Variants in ZNF385D observed in about 807,000 individuals in gnomAD.
ZNF385D encodes the protein zinc finger protein 385D, also known as zinc finger protein 659.
ZNF385D carries 15 observed loss-of-function variants against 35.8 expected under a neutral mutation model. That is an observed-to-expected ratio of 0.42 (90% confidence interval 0.28 to 0.64). The LOEUF is 0.64. Ranked by LOEUF, ZNF385D falls within the 30% of genes least tolerant of loss-of-function variation. ZNF385D has a pLI of 0.23. For missense variants in ZNF385D, 474 were observed against 494.6 expected (o/e 0.96, Z 0.39); for synonymous variants, 212 against 186.8 (o/e 1.13, Z -1.10).
rs749647166 is a variant in ZNF385D at position 21,421,350 on chromosome 3, A to T, written c.1052T>A (p.Val351Glu). ...AAAAAAAAVAVSSPFSLRTAP... is the reference protein window; with the variant it reads ...AAAAAAAAVAESSPFSLRTAP... ...AGTTCGAAGACTGAAGGGGGAACTC[A>T]CTGCCACTGCTGCTGCGGCTGCTGC... The change falls in exon 8 of 8, where the codon GTG becomes GAG. Residue 351 changes from valine to glutamate, a missense_variant. Transcript: ENST00000281523. 6.2e-7 allele frequency: 1 copy of T among 1,613,232 alleles called. No homozygotes were observed. Among genetic ancestry groups the T allele is most frequent in the African/African-American group, 1.3e-5 (1 of 74,912 alleles).
chr3:22,114,192 TG>T (rs1559379400), intron 3 of ZNF385D, among the ~76,000 whole-genome samples: 2 of 152,044 alleles, frequency 1.3e-5, no homozygotes, highest in African/African-American at 4.8e-5. Context: ...AAATTATTAT[TG>T]TTTGTATGCT....
intron 1 of ZNF385D, among the ~76,000 whole-genome samples, chr3:21,667,366 T>C (rs369351874): frequency 3.9e-5 from 6 of 152,092 alleles, no homozygotes; most frequent in African/African-American, 1.4e-4. Context: ...TTTGCTATGT[T>C]GCCTAGGCTG....
intron 3 of ZNF385D, among the ~76,000 whole-genome samples, chr3:21,951,817 C>A (rs529541257): frequency 1.3e-5 from 2 of 151,600 alleles, no homozygotes; most frequent in Non-Finnish European, 2.9e-5. Context: ...GATTCTCCCC[C>A]ACTCTTGAGT....
In ZNF385D at chr3:22,274,066, T is replaced by C. The variant is rs140743009; in HGVS notation, c.106+98384A>G. On this transcript the variant is annotated intron_variant, in intron 2 of 5. Transcript: ENST00000494108. ...ATATTTCTATTTACCTTATTTCATA[T>C]TGAGTAATTTTAATTCAAGGATCCT... 1.6e-3 allele frequency among the ~76,000 whole-genome samples: 249 copies of C among 152,060 alleles called. 2 individuals carry two copies. The highest frequency in any genetic ancestry group is 5.5e-3 in the African/African-American group (228 of 41,540).
intron 3 of ZNF385D, among the ~76,000 whole-genome samples, chr3:21,532,071 GAGAA>G (rs958225560): frequency 1.1e-4 from 16 of 144,822 alleles, no homozygotes; most frequent in African/African-American, 3.4e-4. Context: ...AGTCGGGAGA[GAGAA>G]AGAGAGAGAG....
At chr3:21,672,531 G>C (rs1359449690) in intron 1 of ZNF385D, among the ~76,000 whole-genome samples, 1 of 152,020 alleles carries the variant, frequency 6.6e-6, no homozygotes. Flanking sequence ...GTATGAGTCA[G>C]GGCAATTGGA....
intron 3 of ZNF385D, among the ~76,000 whole-genome samples, chr3:22,010,525 A>G (rs978332120): frequency 7.9e-5 from 12 of 152,190 alleles, no homozygotes; most frequent in African/African-American, 2.9e-4. Context: ...CAGACTTGCA[A>G]CGTTTTCAGT....
chr3:21,475,959 C>T (rs1704216684), intron 4 of ZNF385D, among the ~76,000 whole-genome samples: 1 of 150,988 alleles, frequency 6.6e-6, no homozygotes, highest in African/African-American at 2.4e-5. Context: ...ATGTATTTTG[C>T]ATGCCCAGTA....
At chr3:21,686,902 C>T (rs1303565050) in intron 1 of ZNF385D, among the ~76,000 whole-genome samples, 10 of 152,176 alleles carry the variant, frequency 6.6e-5, no homozygotes, top group African/African-American at 1.7e-4. Context: ...AATACAGCCA[C>T]TAGTACTTGC....
At chr3:22,022,475 A>G (rs548499643) in intron 3 of ZNF385D, among the ~76,000 whole-genome samples, 1 of 152,268 alleles carries the variant, frequency 6.6e-6, no homozygotes, top group African/African-American at 2.4e-5. Context: ...CAGCATCAAG[A>G]AATAACATAC....
rs1334744971 is a variant in ZNF385D at position 21,699,886 on chromosome 3, C to T, written c.23-34858G>A. ...TTGCTCTGTCGCCCAGGTTGAAGTG[C>T]AGTGGTGCGATCTTGGCTCACTACA... On this transcript the variant is annotated intron_variant, in intron 1 of 7. Coordinates refer to ENST00000281523, the MANE Select transcript of ZNF385D (RefSeq NM_024697.3). Among the ~76,000 whole-genome samples the T allele has an allele frequency of 2.3e-5, 3 of 129,020 alleles. No homozygotes were observed. In the Admixed American group the frequency reaches 2.9e-4, roughly 12 times the overall value. The allele number at this position is 129,020 out of a possible 152,430, so 84.6% of individuals were successfully genotyped here. A position where few individuals can be genotyped will look rare whatever the true frequency, so the allele number is the denominator to read the frequency against.
chr3:22,195,501 T>A (rs139042841), intron 2 of ZNF385D, among the ~76,000 whole-genome samples: 246 of 152,178 alleles, frequency 1.6e-3, no homozygotes, highest in African/African-American at 5.7e-3. Flanking sequence ...CACTTTTTCC[T>A]GATCCAGTTC....
intron 2 of ZNF385D, among the ~76,000 whole-genome samples, chr3:21,653,780 A>G (rs902898139): frequency 2.0e-5 from 3 of 151,992 alleles, no homozygotes; most frequent in African/African-American, 7.2e-5. Context: ...GGAAAAAAAA[A>G]GGCATTTTCT....
chr3:21,977,280 T>C (rs1487510788), intron 3 of ZNF385D, among the ~76,000 whole-genome samples: 1 of 152,190 alleles, frequency 6.6e-6, no homozygotes, highest in African/African-American at 2.4e-5. Context: ...TGTACACTTA[T>C]GATTTGTGTT....
chr3:21,671,359 A>G (rs939527308), intron 1 of ZNF385D, among the ~76,000 whole-genome samples: 3 of 152,152 alleles, frequency 2.0e-5, no homozygotes, highest in African/African-American at 7.2e-5. Flanking sequence ...TTTGGCCAAA[A>G]CATTGGCCAT....
intron 2 of ZNF385D, among the ~76,000 whole-genome samples, chr3:21,634,273 G>A (rs1253950116): frequency 2.7e-5 from 4 of 150,230 alleles, no homozygotes; most frequent in African/African-American, 9.8e-5. Flanking sequence ...GGAAAGGAAG[G>A]AAGGAAGAAA....
intron 2 of ZNF385D, among the ~76,000 whole-genome samples, chr3:22,277,756 A>T (rs925073494): frequency 2.0e-5 from 3 of 152,130 alleles, no homozygotes; most frequent in Non-Finnish European, 4.4e-5. Context: ...TTTTAGATTC[A>T]TAGCTCAGGT....
chr3:21,576,234 G>A (rs17009067), intron 2 of ZNF385D, among the ~76,000 whole-genome samples: 57,670 of 152,044 alleles, frequency 0.38, 10,901 homozygotes, highest in Middle Eastern at 0.42. Flanking sequence ...GGTCCCTTGA[G>A]GAACTAAGGA....
At chr3:21,746,072 C>G (rs1479149246) in intron 1 of ZNF385D, among the ~76,000 whole-genome samples, 1 of 152,184 alleles carries the variant, frequency 6.6e-6, no homozygotes, top group Non-Finnish European at 1.5e-5. Flanking sequence ...AACACACACA[C>G]ACCAACCAAC....
Sources: allele counts gnomAD v4.1 joint callset (sites outside exome capture counted in the v4.1 genomes callset), GRCh38; gene constraint gnomAD v4.1.1; transcripts MANE v1.5; gene names NCBI Gene and HGNC (gene_info 2026-07-23, HGNC 2026-07-21).